MIPEP: variants seen among roughly 807,000 people sequenced by gnomAD.
MIPEP encodes mitochondrial intermediate peptidase.
MIPEP carries 79 observed loss-of-function variants against 90.3 expected under a neutral mutation model. The ratio of observed to expected loss-of-function variants is 0.87; its 90% CI spans 0.73 to 1.05. MIPEP has a LOEUF of 1.05. Ranked by LOEUF, MIPEP falls within the 50% of genes least tolerant of loss-of-function variation. MIPEP has a pLI of 0.00. For missense variants in MIPEP, 940 were observed against 905.6 expected (o/e 1.04, Z -0.49); for synonymous variants, 334 against 315.8 (o/e 1.06, Z -0.61).
intron 14 of MIPEP, among the ~76,000 whole-genome samples, chr13:23,812,317 G>C (rs1953182523): frequency 6.6e-6 from 1 of 152,100 alleles, no homozygotes; most frequent in Non-Finnish European, 1.5e-5. Context: ...AGGATGGATG[G>C]GAAGGGGAAA....
chr13:23,799,170 AT>A (rs34678080), intron 16 of MIPEP, among the ~76,000 whole-genome samples: 21,203 of 143,074 alleles, frequency 0.15, 1,646 homozygotes, highest in African/African-American at 0.2. Flanking sequence ...CGCGCAGCTG[AT>A]TTTTTTTTTT....
At chr13:23,844,885 T>C (rs1869465169) in intron 10 of MIPEP, among the ~76,000 whole-genome samples, 1 of 152,174 alleles carries the variant, frequency 6.6e-6, no homozygotes, top group Non-Finnish European at 1.5e-5. Context: ...TACCCTAAAA[T>C]GATTGGGAAC....
Position 23,879,338 on chromosome 13 carries a change from C to A in MIPEP, c.469G>T (p.Asp157Tyr). ...TMVEKLNTNV[D>Y]LYQSLQKLLA... ...AATTTTTGCAAACTTTGATATAAAT[C>A]CACATTTGTGTTCAACCTAGAAAAA... Residue 157 changes from aspartate to tyrosine, a missense_variant, in exon 4 of 19, where the codon GAT (aspartate) becomes TAT (tyrosine). Physicochemically the swap from Asp to Tyr is radical, Grantham distance 160. Transcript: ENST00000382172. The A allele has an allele frequency of 6.3e-7, 1 of 1,575,650 alleles. No homozygotes were observed. The highest frequency in any genetic ancestry group is 8.7e-7 in the Non-Finnish European group (1 of 1,146,688).
At chr13:23,829,283 G>A (rs568685873) in intron 14 of MIPEP, among the ~76,000 whole-genome samples, 2 of 152,344 alleles carry the variant, frequency 1.3e-5, no homozygotes, top group South Asian at 4.1e-4. Flanking sequence ...GGGAGGCTGA[G>A]GTGGGAAGAT....
chr13:23,777,137 C>G (rs532609979), intron 16 of MIPEP, among the ~76,000 whole-genome samples: 5 of 152,158 alleles, frequency 3.3e-5, no homozygotes, highest in African/African-American at 1.2e-4. Context: ...GTGGCTTATT[C>G]TGACTTTACC....
At chr13:23,788,336 C>T (rs536761279) in intron 16 of MIPEP, among the ~76,000 whole-genome samples, 1 of 152,282 alleles carries the variant, frequency 6.6e-6, no homozygotes, top group Admixed American at 6.5e-5. Context: ...CACATGAACC[C>T]TAAAATCTCT....
chr13:23,864,112 A>C, intron 8 of MIPEP, 29 bp downstream of exon 8: 1 of 1,323,940 alleles, frequency 7.6e-7, no homozygotes, highest in South Asian at 1.3e-5. Flanking sequence ...CATATAACCA[A>C]AAAACTAAAT....
At chr13:23,854,188 ATTTTTTTT>A (rs568842347) in intron 10 of MIPEP, among the ~76,000 whole-genome samples, 2 of 114,176 alleles carry the variant, frequency 1.8e-5, no homozygotes, top group East Asian at 2.6e-4. Context: ...AGCCAGGCTA[ATTTTTTTT>A]TTTTTTTTTT....
In MIPEP at chr13:23,770,111, A is replaced by C. The variant is rs1952632994; in HGVS notation, c.1849-9894T>G. On this transcript the variant is annotated intron_variant, in intron 16 of 18. Transcript: ENST00000382172. ...ACCCGGTTTCAGGTATTCTGTTATA[A>C]GCAACAGAAAATGGGCTAGGAAAGG... Among the ~76,000 whole-genome samples the C allele has an allele frequency of 4.6e-5, 7 of 152,206 alleles. 1 individual carries two copies. In the South Asian group the frequency reaches 1.4e-3, roughly 32 times the overall value.
intron 16 of MIPEP, among the ~76,000 whole-genome samples, chr13:23,774,984 CA>C (rs1037213685): frequency 3.3e-5 from 5 of 151,508 alleles, no homozygotes; most frequent in African/African-American, 1.2e-4. Flanking sequence ...TTAGTAGAGA[CA>C]GGGGGGTTTT....
intron 8 of MIPEP, 51 bp from the exon 9 acceptor site, chr13:23,862,413 A>G: frequency 9.8e-7 from 1 of 1,015,846 alleles, no homozygotes. Flanking sequence ...TAACAATTAC[A>G]TTATGAAAGG....
chr13:23,827,580 T>C (rs987092764), intron 14 of MIPEP, among the ~76,000 whole-genome samples: 1 of 152,248 alleles, frequency 6.6e-6, no homozygotes, highest in African/African-American at 2.4e-5. Flanking sequence ...TATGAAATAG[T>C]ATATATTTAA....
rs144680338 is a variant in MIPEP, at chr13:23,764,850, C to T, written c.1849-4633G>A. ...GGGATTACAGGTGTTAGCCACTGTG[C>T]TCAGCCAACTATACTCTTAAATAGT... On this transcript the variant is annotated intron_variant, in intron 16 of 18. Coordinates refer to ENST00000382172, the MANE Select transcript of MIPEP (RefSeq NM_005932.4). 1.4e-3 allele frequency among the ~76,000 whole-genome samples: 216 copies of T among 152,318 alleles called. 1 individual carries two copies. The highest frequency in any genetic ancestry group is 3.3e-3 in the African/African-American group (138 of 41,570).
intron 5 of MIPEP, 119 bp downstream of exon 5, chr13:23,874,727 G>C: frequency 3.9e-6 from 3 of 764,748 alleles, no homozygotes. Flanking sequence ...ACAGATAAAA[G>C]ACCTGCACGT....
At chr13:23,854,437 CA>C (rs528623281) in intron 10 of MIPEP, among the ~76,000 whole-genome samples, 12 of 149,840 alleles carry the variant, frequency 8.0e-5, no homozygotes, top group African/African-American at 2.2e-4. Context: ...TTTCTCACAT[CA>C]AAAAAAAAGT....
intron 16 of MIPEP, among the ~76,000 whole-genome samples, chr13:23,772,039 G>A (rs944507717): frequency 3.4e-5 from 5 of 149,078 alleles, no homozygotes; most frequent in Non-Finnish European, 5.9e-5. Context: ...CCAGGAATCC[G>A]TAACAACTGC....
At chr13:23,734,126 T>C (rs1952234200) in intron 18 of MIPEP, among the ~76,000 whole-genome samples, 2 of 152,196 alleles carry the variant, frequency 1.3e-5, no homozygotes, top group Non-Finnish European at 2.9e-5. Flanking sequence ...CAGAGAACAT[T>C]TGTAGGGAAA....
intron 16 of MIPEP, among the ~76,000 whole-genome samples, chr13:23,788,570 C>T (rs1431835601): frequency 1.3e-5 from 2 of 152,162 alleles, no homozygotes; most frequent in Non-Finnish European, 2.9e-5. Flanking sequence ...CATATTAAGT[C>T]ACAAGGCCAC....
intron 16 of MIPEP, among the ~76,000 whole-genome samples, chr13:23,770,958 C>T (rs1952643582): frequency 6.6e-6 from 1 of 152,160 alleles, no homozygotes; most frequent in South Asian, 2.1e-4. Flanking sequence ...AAACACTAGG[C>T]ACAGAGACTT....
Sources: allele counts gnomAD v4.1 joint callset (sites outside exome capture counted in the v4.1 genomes callset), GRCh38; gene constraint gnomAD v4.1.1; transcripts MANE v1.5; gene names NCBI Gene and HGNC (gene_info 2026-07-23, HGNC 2026-07-21).